AGBL4: variants seen among roughly 807,000 people sequenced by gnomAD.
AGBL4 encodes cytosolic carboxypeptidase 6.
Under a neutral mutation model 66.4 loss-of-function variants are expected in AGBL4, and 58 were observed. That is an observed-to-expected ratio of 0.87 (90% CI 0.71 to 1.09). The LOEUF (loss-of-function observed/expected upper bound fraction) is 1.09, where lower values mean the gene tolerates loss of function less well. AGBL4 is among the 50% of genes least tolerant of loss of function. AGBL4 has a pLI of 0.00. For missense variants in AGBL4, 579 were observed against 631.0 expected (o/e 0.92, Z 0.88); for synonymous variants, 234 against 222.9 (o/e 1.05, Z -0.44).
chr1:49,593,222 G>A (rs572973180), intron 3 of AGBL4, among the ~76,000 whole-genome samples: 8 of 152,096 alleles, frequency 5.3e-5, no homozygotes, highest in Non-Finnish European at 8.8e-5. Context: ...TGGCTAACAC[G>A]GTGAAACCCC....
intron 3 of AGBL4, among the ~76,000 whole-genome samples, chr1:49,365,091 G>T (rs1264083815): frequency 6.6e-6 from 1 of 152,108 alleles, no homozygotes; most frequent in Admixed American, 6.5e-5. Context: ...ATTATCCTGT[G>T]GTTGTTATAT....
chr1:49,207,542 T>TTCTTTCTTTATTTC, intron 4 of AGBL4, among the ~76,000 whole-genome samples: 1 of 78,030 alleles, frequency 1.3e-5, no homozygotes, highest in African/African-American at 4.9e-5. Flanking sequence ...TTTTTCTTTC[T>TTCTTTCTTTATTTC]TTTCTTTCTT....
intron 1 of AGBL4, among the ~76,000 whole-genome samples, chr1:49,991,519 C>T (rs1659939526): frequency 6.6e-6 from 1 of 152,120 alleles, no homozygotes; most frequent in South Asian, 2.1e-4. Flanking sequence ...TTACTTTAGA[C>T]AATATAAATC....
intron 9 of AGBL4, among the ~76,000 whole-genome samples, chr1:48,631,452 G>A (rs1203128563): frequency 3.9e-5 from 6 of 152,228 alleles, no homozygotes; most frequent in Admixed American, 1.3e-4. Context: ...GTGCAGTGGC[G>A]CAGTCTTGGC....
chr1:49,255,552 A>C (rs551721434), intron 3 of AGBL4, among the ~76,000 whole-genome samples: 72 of 152,332 alleles, frequency 4.7e-4, no homozygotes, highest in Non-Finnish European at 8.8e-4. Context: ...AAATGAGTAT[A>C]CACTGTTGGT....
chr1:48,612,527 C>T (rs560810852), intron 9 of AGBL4, among the ~76,000 whole-genome samples: 1 of 152,328 alleles, frequency 6.6e-6, no homozygotes, highest in Non-Finnish European at 1.5e-5. Context: ...TACAGTCTTA[C>T]AGCCAAGGCC....
At chr1:48,882,558 C>CA (rs1474000570) in intron 5 of AGBL4, among the ~76,000 whole-genome samples, 2 of 151,840 alleles carry the variant, frequency 1.3e-5, no homozygotes, top group Non-Finnish European at 2.9e-5. Flanking sequence ...GTCCTTACCA[C>CA]AAAAAAAGTA....
intron 3 of AGBL4, among the ~76,000 whole-genome samples, chr1:49,471,705 G>C (rs1646748818): frequency 6.6e-6 from 1 of 151,802 alleles, no homozygotes; most frequent in Non-Finnish European, 1.5e-5. Flanking sequence ...TCAGGAAAGA[G>C]GCAGCCCAAC....
chr1:48,569,924 AGTT>A (rs1287719308), intron 11 of AGBL4, among the ~76,000 whole-genome samples: 1 of 152,170 alleles, frequency 6.6e-6, no homozygotes, highest in African/African-American at 2.4e-5. Context: ...CTTACAATGA[AGTT>A]GTGTTTTCAA....
intron 6 of AGBL4, among the ~76,000 whole-genome samples, chr1:48,866,650 G>A (rs1648118593): frequency 1.3e-5 from 2 of 152,146 alleles, no homozygotes; most frequent in Admixed American, 6.5e-5. Flanking sequence ...GTCAGCTATA[G>A]AGGGGAAAAA....
intron 1 of AGBL4, among the ~76,000 whole-genome samples, chr1:49,861,020 C>T (rs552981306): frequency 8.7e-4 from 132 of 152,210 alleles, no homozygotes; most frequent in Middle Eastern, 3.4e-3. Context: ...GTAATTGTGA[C>T]GCACTGAACT....
At chr1:49,400,445 G>A (rs951895948) in intron 3 of AGBL4, among the ~76,000 whole-genome samples, 3 of 152,064 alleles carry the variant, frequency 2.0e-5, no homozygotes, top group Admixed American at 6.6e-5. Flanking sequence ...GATAGGGATT[G>A]CATTGAATCT....
intron 11 of AGBL4, among the ~76,000 whole-genome samples, chr1:48,554,391 G>T (rs1408462425): frequency 6.6e-6 from 1 of 152,094 alleles, no homozygotes; most frequent in East Asian, 1.9e-4. Context: ...AAGAGGAATT[G>T]GCTTGCTTCA....
chr1:48,807,876 G>A (rs1287310617), intron 6 of AGBL4, among the ~76,000 whole-genome samples: 1 of 152,152 alleles, frequency 6.6e-6, no homozygotes, highest in African/African-American at 2.4e-5. Context: ...ACTGGGCTGG[G>A]CAGGGCTTTT....
intron 6 of AGBL4, among the ~76,000 whole-genome samples, chr1:48,790,991 C>T (rs1645535796): frequency 4.6e-5 from 7 of 152,188 alleles, no homozygotes; most frequent in African/African-American, 1.7e-4. Flanking sequence ...TGCTATGACA[C>T]AGCAAGAAAG....
chr1:49,513,266 T>C (rs948482630), intron 3 of AGBL4, among the ~76,000 whole-genome samples: 2 of 152,008 alleles, frequency 1.3e-5, no homozygotes, highest in African/African-American at 4.8e-5. Flanking sequence ...GCTGTGGCTA[T>C]TTCTTTTTAA....
intron 1 of AGBL4, among the ~76,000 whole-genome samples, chr1:49,933,537 T>C (rs1266409028): frequency 6.6e-6 from 1 of 152,118 alleles, no homozygotes; most frequent in Non-Finnish European, 1.5e-5. Context: ...TATAAATAAC[T>C]TGTCATTTCA....
chr1:49,844,874 C>G (rs1646095872), intron 2 of AGBL4: 1 of 1,457,938 alleles, frequency 6.9e-7, no homozygotes, highest in African/African-American at 1.4e-5. Flanking sequence ...GCAGTGCTGG[C>G]AGCCTTGATG....
intron 9 of AGBL4, among the ~76,000 whole-genome samples, chr1:48,598,558 A>G (rs1645030579): frequency 1.3e-5 from 2 of 152,124 alleles, no homozygotes; most frequent in East Asian, 1.9e-4. Context: ...AGGCGGATCA[A>G]TTGAGGTCAG....
Sources: gnomAD v4.1 joint callset for allele counts (sites outside exome capture counted in the v4.1 genomes callset) on GRCh38, gnomAD v4.1.1 for gene constraint, MANE v1.5 for transcripts, NCBI Gene and HGNC (gene_info 2026-07-23, HGNC 2026-07-21) for gene names.